Variants in PTPN23 observed in about 807,000 individuals in gnomAD.
PTPN23 encodes the protein tyrosine-protein phosphatase non-receptor type 23.
A neutral mutation model predicts 156.3 loss-of-function variants in PTPN23; 72 were observed. That is an observed-to-expected ratio of 0.46 (90% CI 0.38 to 0.56). The LOEUF is 0.56. Ranked by LOEUF, PTPN23 falls within the 20% of genes least tolerant of loss-of-function variation. The probability of loss-of-function intolerance (pLI) is 0.00; values close to 1 mark genes in which losing one functional copy is unlikely to be tolerated. For synonymous variants in PTPN23, 957 were observed against 899.6 expected (o/e 1.06, Z -1.14); for missense variants, 1,974 against 2,171.5 (o/e 0.91, Z 1.81).
intron 1 of PTPN23, among the ~76,000 whole-genome samples, chr3:47,382,361 G>A (rs1487905151): frequency 1.5e-5 from 2 of 135,924 alleles, no homozygotes; most frequent in Non-Finnish European, 3.1e-5. Flanking sequence ...CGCTCTTGTT[G>A]CCCAGGCTGG....
In PTPN23 at chr3:47,406,739, T is replaced by A. The variant is rs549990673; in HGVS notation, c.796T>A (p.Phe266Ile). 3 of 1,613,592 alleles carry A rather than the reference T, an allele frequency of 1.9e-6. No individual in the cohort carries two copies. The Admixed American group carries it at 5.0e-5, about 27-fold the overall frequency. ...AAAGCAGGCCGAGGAGCAGCAGAAG[T>A]TCGGGGAGCGGGTGAGCTACAGCGA... ...MGKQAEEQQK[F>I]GERVAYFQSA... Residue 266 changes from phenylalanine to isoleucine, a missense_variant, in exon 9 of 25, where the codon TTC (phenylalanine) becomes ATC (isoleucine). Physicochemically the swap from Phe to Ile is conservative, Grantham distance 21. Coordinates refer to ENST00000265562, the MANE Select transcript of PTPN23 (RefSeq NM_015466.4). The surrounding 1 kb of genome is among the most constrained non-coding windows in gnomAD (Gnocchi z 5.8).
intron 1 of PTPN23, among the ~76,000 whole-genome samples, chr3:47,386,308 G>A (rs1704650870): frequency 6.6e-6 from 1 of 152,084 alleles, no homozygotes; most frequent in Admixed American, 6.5e-5. Flanking sequence ...TGGGATTACA[G>A]GGGTGTACCA....
rs749701641 is a variant in PTPN23, at chr3:47,412,496, C to T, written c.4318-18C>T. 1 of 1,612,154 alleles carries T rather than the reference C, an allele frequency of 6.2e-7. No homozygotes were observed. The highest frequency in any genetic ancestry group is 8.5e-7 in the Non-Finnish European group (1 of 1,179,270). On this transcript the variant is annotated intron_variant, in intron 23 of 24. Transcript: ENST00000265562. ...ACGGGCCCCTGCCCAGCTGACCTGG[C>T]CAAATGCACCTGTGCAGCTGCACCT... is the stretch of plus-strand genomic sequence containing the variant.
Position 47,411,111 on chromosome 3 carries a change from G to C in PTPN23, c.3313G>C (p.Glu1105Gln), listed in dbSNP as rs1273978804. Residue 1105 changes from glutamate (E) to glutamine (Q), a missense_variant, in exon 20 of 25, where the codon GAA (glutamate) becomes CAA (glutamine). Around this residue, in one of 4 missense-constraint regions of PTPN23, gnomAD observed 731 missense variants for 669.1 expected, o/e 1.09. Coordinates refer to ENST00000265562, the MANE Select transcript of PTPN23 (RefSeq NM_015466.4). The surrounding 1 kb of genome is among the most constrained non-coding windows in gnomAD (Gnocchi z 6.3). ...GPVPPRPPAA[E>Q]PPPCLRRGAA... The stretch of plus-strand genomic sequence containing the variant: ...GGTACCCCCTCGCCCCCCAGCAGCA[G>C]AACCACCCCCTTGCCTGCGCCGAGG... 6.9e-6 allele frequency: 11 copies of C among 1,604,736 alleles called. 1 individual carries two copies. In the Admixed American group the frequency reaches 1.9e-4, roughly 27 times the overall value.
chr3:47,386,020 G>A (rs1704645318), intron 1 of PTPN23, among the ~76,000 whole-genome samples: 1 of 152,110 alleles, frequency 6.6e-6, no homozygotes. Context: ...TTATCACATG[G>A]GTTGAACTGT....
rs145450943 is a variant in PTPN23 at position 47,412,983 on chromosome 3, C to T, written c.4709C>T (p.Ser1570Leu). 135 of 1,610,948 alleles carry T rather than the reference C, an allele frequency of 8.4e-5. No individual in the cohort carries two copies. The highest frequency in any genetic ancestry group is 1.0e-4 in the Non-Finnish European group (121 of 1,178,844). Residue 1570 changes from serine (S) to leucine (L), a missense_variant, in exon 25 of 25, where the codon TCG becomes TTG. By Grantham distance (145) the Ser-to-Leu change is moderately radical. Coordinates refer to ENST00000265562, the MANE Select transcript of PTPN23 (RefSeq NM_015466.4). ...CCGCCAGTGCCTGAAGCCCCCAGCT[C>T]GGGGCCCCCCTCCTCCTCCCTGGAA... ...EEPPVPEAPS[S>L]GPPSSSLELL...
chr3:47,408,524 A>G, intron 15 of PTPN23, 34 bp downstream of exon 15: 1 of 1,589,518 alleles, frequency 6.3e-7, no homozygotes, highest in Non-Finnish European at 8.6e-7. Context: ...GGTGGAAGGG[A>G]GTGTGGAGGT....
In PTPN23 at chr3:47,412,640, C is replaced by T. The variant is rs776160971; in HGVS notation, c.4431+13C>T. 6.2e-6 allele frequency: 10 copies of T among 1,610,246 alleles called. No individual in the cohort carries two copies. In the South Asian group the frequency reaches 9.9e-5, roughly 16 times the overall value. ...CATCAGCCAGAAGGTGAGGAAGGTT[C>T]CGTGGAAGCTGCTGGGAGAGCCACA... On this transcript the variant is annotated intron_variant, in intron 24 of 24. Coordinates refer to ENST00000265562, the MANE Select transcript of PTPN23 (RefSeq NM_015466.4).
chr3:47,411,992 G>A lies in PTPN23; in HGVS notation c.4073+25G>A, dbSNP rs752032375. On this transcript the variant is annotated intron_variant, in intron 21 of 24. Coordinates refer to ENST00000265562, the MANE Select transcript of PTPN23 (RefSeq NM_015466.4). This position sits in a 1 kb window ranked among gnomAD's most constrained non-coding sequence, Gnocchi z 6.3. Reference sequence around the variant, plus strand: ...TGTGAGTCCACTGCTCTGGATGGTGGTTGGGGGTCTAAGTGCTGTCCAGTC... The same window carrying A: ...TGTGAGTCCACTGCTCTGGATGGTGATTGGGGGTCTAAGTGCTGTCCAGTC... The A allele has an allele frequency of 8.7e-6, 14 of 1,606,818 alleles. No individual in the cohort carries two copies. In the East Asian group the frequency reaches 2.5e-4, roughly 28 times the overall value.
Position 47,412,184 on chromosome 3 carries a change from C to T in PTPN23, c.4164C>T (p.Ile1388=). 1 of 1,613,234 alleles carries T rather than the reference C, an allele frequency of 6.2e-7. No individual in the cohort carries two copies. The highest frequency in any genetic ancestry group is 8.5e-7 in the Non-Finnish European group (1 of 1,180,034). The change falls in exon 22 of 25, where the codon ATC becomes ATT. Residue 1388 remains isoleucine (I), a synonymous_variant. Transcript: ENST00000265562. ...YLHQRPLHTP[I]IVHCSSGVGR... is the part of the protein sequence containing the mutation. Reference sequence around the variant, plus strand: ...ATCAGCGGCCGCTGCACACGCCCATCATTGTGCACTGCAGGTAGAGGGTGG... The same window carrying T: ...ATCAGCGGCCGCTGCACACGCCCATTATTGTGCACTGCAGGTAGAGGGTGG...
intron 2 of PTPN23, among the ~76,000 whole-genome samples, chr3:47,402,038 C>A (rs1705005000): frequency 6.6e-6 from 1 of 152,170 alleles, no homozygotes; most frequent in Non-Finnish European, 1.5e-5. Context: ...GTCCTCTCTG[C>A]AGGGGGCTGA....
At chr3:47,393,269 C>T (rs1014639947) in intron 1 of PTPN23, among the ~76,000 whole-genome samples, 3 of 152,172 alleles carry the variant, frequency 2.0e-5, no homozygotes, top group East Asian at 3.8e-4. Flanking sequence ...TCTCCTGTCT[C>T]AGCCTCCTGA....
Position 47,408,868 on chromosome 3 carries a change from G to A in PTPN23, c.1423G>A (p.Glu475Lys). ...EDELLEQKFQ[E>K]AVGQAGAISI... The stretch of plus-strand genomic sequence containing the variant: ...TGAGCTGCTAGAGCAGAAGTTTCAG[G>A]AGGCGGTGGGCCAGGCAGGGGCCAT... Residue 475 changes from glutamate (E) to lysine (K), a missense_variant, in exon 16 of 25, where the codon GAG becomes AAG. This residue lies in a region of PTPN23 where 726 missense variants were observed against 929.5 expected (regional missense o/e 0.78). Coordinates refer to ENST00000265562, the MANE Select transcript of PTPN23 (RefSeq NM_015466.4). The A allele has an allele frequency of 1.2e-6, 2 of 1,614,230 alleles. No individual in the cohort carries two copies. Among genetic ancestry groups the A allele is most frequent in the Non-Finnish European group, 1.7e-6 (2 of 1,180,034 alleles).
rs756126803 is a variant in PTPN23 at position 47,406,340 on chromosome 3, T to C, written c.562T>C (p.Cys188Arg). The C allele has an allele frequency of 6.2e-7, 1 of 1,613,282 alleles. No individual in the cohort carries two copies. The highest frequency in any genetic ancestry group is 1.1e-5 in the South Asian group (1 of 91,062). The change falls in exon 7 of 25, where the codon TGC becomes CGC. Residue 188 changes from cysteine to arginine, a missense_variant. Cys to Arg is a radical substitution (Grantham distance 180, BLOSUM62 -3). This residue lies in a region of PTPN23 where 726 missense variants were observed against 929.5 expected (regional missense o/e 0.78). Coordinates refer to ENST00000265562, the MANE Select transcript of PTPN23 (RefSeq NM_015466.4). The surrounding 1 kb of genome is among the most constrained non-coding windows in gnomAD (Gnocchi z 5.8). ...VNLMLGQAQECLLEKSMLDNR... is the reference protein window; with the variant it reads ...VNLMLGQAQERLLEKSMLDNR... The stretch of plus-strand genomic sequence containing the variant: ...GTCGCCCCAGGGCCAGGCTCAGGAG[T>C]GCCTCCTGGAGAAGTCGATGTTGGA...
At chr3:47,399,595 C>T (rs1277579973) in intron 2 of PTPN23, among the ~76,000 whole-genome samples, 1 of 152,194 alleles carries the variant, frequency 6.6e-6, no homozygotes, top group African/African-American at 2.4e-5. Context: ...ATCTCCAAAG[C>T]ATCCTCTGAG....
chr3:47,386,042 G>A (rs1014651252), intron 1 of PTPN23, among the ~76,000 whole-genome samples: 4 of 152,116 alleles, frequency 2.6e-5, no homozygotes, highest in Admixed American at 6.5e-5. Flanking sequence ...CGTCATTAGG[G>A]TCCTCTCAGC....
In PTPN23 at chr3:47,409,410, T is replaced by TC; in HGVS notation, c.1798-5dup. 1 of 1,613,936 alleles carries TC rather than the reference T, an allele frequency of 6.2e-7. No individual in the cohort carries two copies. ...GTGTCCGTCCCTGGCCCCCACCCCT[T>TC]CCTCAGAAGTTGTTCGAGGAGCAGC... On this transcript the variant is annotated splice_polypyrimidine_tract_variant and splice_region_variant and intron_variant, in intron 17 of 24. Transcript: ENST00000265562.
In PTPN23 at chr3:47,410,116, C is replaced by T. The variant is rs374638928; in HGVS notation, c.2318C>T (p.Pro773Leu). The change falls in exon 20 of 25, where the codon CCC (proline) becomes CTC (leucine). Residue 773 changes from proline (P) to leucine (L), a missense_variant. This residue lies in a region of PTPN23 where 731 missense variants were observed against 669.1 expected (regional missense o/e 1.09). Coordinates refer to ENST00000265562, the MANE Select transcript of PTPN23 (RefSeq NM_015466.4). The stretch of plus-strand genomic sequence containing the variant: ...AGTGCCACCCCGCTCCACTTTCCTC[C>T]CAGCCCCTTCCCCAGCTCCACAGGC... ...LGSATPLHFP[P>L]SPFPSSTGPG... is the part of the protein sequence containing the mutation. The T allele has an allele frequency of 2.5e-6, 4 of 1,599,992 alleles. No homozygotes were observed. The African/African-American group carries it at 4.0e-5, about 16-fold the overall frequency.
rs770015199 is a variant in PTPN23, at chr3:47,409,914, T to G, written c.2130-14T>G. On this transcript the variant is annotated splice_polypyrimidine_tract_variant and intron_variant, in intron 19 of 24. Coordinates refer to ENST00000265562, the MANE Select transcript of PTPN23 (RefSeq NM_015466.4). The stretch of plus-strand genomic sequence containing the variant: ...TGGGAGCCTGGCCCCACTTTTTCCT[T>G]GCCTGTCGCACAGGGAGCTGAAGAA... The G allele has an allele frequency of 1.9e-6, 3 of 1,571,964 alleles. No individual in the cohort carries two copies. The highest frequency in any genetic ancestry group is 2.6e-6 in the Non-Finnish European group (3 of 1,159,542).
Sources: allele counts gnomAD v4.1 joint callset (sites outside exome capture counted in the v4.1 genomes callset), GRCh38; gene constraint gnomAD v4.1.1; regional missense constraint gnomAD v4.1.1; non-coding constraint Gnocchi (gnomAD v3.1); transcripts MANE v1.5; gene names NCBI Gene and HGNC (gene_info 2026-07-23, HGNC 2026-07-21).